Variants in SPTBN2 observed in about 807,000 individuals in gnomAD.
SPTBN2 encodes the protein spectrin beta chain, non-erythrocytic 2.
In SPTBN2, 107 loss-of-function variants were observed where a neutral mutation model predicts 284.2. The observed-to-expected ratio is 0.38, with a 90% CI of 0.32 to 0.44. The LOEUF (loss-of-function observed/expected upper bound fraction) is 0.44, where lower values mean the gene tolerates loss of function less well. SPTBN2 is among the 20% of genes least tolerant of loss of function. The pLI is 1.00. For synonymous variants in SPTBN2, 1,289 were observed against 1,354.8 expected (o/e 0.95, Z 1.07); for missense variants, 2,569 against 3,287.1 (o/e 0.78, Z 5.34).
At position 66,686,334 on chromosome 11, in the gene SPTBN2, G is replaced by A. The variant is rs201237063; in HGVS notation, c.6939+64C>T. On this transcript the variant is annotated intron_variant, in intron 37 of 37. Transcript: ENST00000533211. ...AAAAGAGGGAGGACAGGGAAAGAAG[G>A]GGAGTCTGCAGCTGGAAGCTTCTGG... 2,816 of 1,593,210 alleles carry A rather than the reference G, an allele frequency of 1.8e-3. 5 individuals are homozygous for A. Among genetic ancestry groups the A allele is most frequent in the Non-Finnish European group, 2.2e-3 (2,602 of 1,161,000 alleles).
Position 66,708,220 on chromosome 11 carries a change from T to C in SPTBN2, c.1271A>G (p.Glu424Gly). The C allele has an allele frequency of 3.1e-6, 5 of 1,611,580 alleles. No homozygotes were observed. Among genetic ancestry groups the C allele is most frequent in the Non-Finnish European group, 4.2e-6 (5 of 1,178,864 alleles). ...RTELIRQEKL[E>G]QLAARFDRKA... ...GCGGTCGAAGCGGGCGGCCAGCTGC[T>C]CCAGCTTCTCCTGGCGGATGAGCTC... The change falls in exon 12 of 38, where the codon GAG (glutamate) becomes GGG (glycine). Residue 424 changes from glutamate (E) to glycine (G), a missense_variant. Coordinates refer to ENST00000533211, the MANE Select transcript of SPTBN2 (RefSeq NM_006946.4). This position sits in a 1 kb window ranked among gnomAD's most constrained non-coding sequence, Gnocchi z 4.4.
chr11:66,716,299 C>G (rs1049487410), intron 3 of SPTBN2, among the ~76,000 whole-genome samples: 1 of 151,954 alleles, frequency 6.6e-6, no homozygotes, highest in Non-Finnish European at 1.5e-5. Context: ...CTGGCTAACA[C>G]GGTGAAACCC....
At chr11:66,704,282 A>G (rs906405074) in intron 15 of SPTBN2, among the ~76,000 whole-genome samples, 7 of 151,808 alleles carry the variant, frequency 4.6e-5, no homozygotes, top group African/African-American at 1.7e-4. Flanking sequence ...GCTTCCTTGT[A>G]TTTCTTAAAG....
chr11:66,717,202 G>A (rs543709180), intron 3 of SPTBN2, among the ~76,000 whole-genome samples: 5 of 152,300 alleles, frequency 3.3e-5, no homozygotes, highest in African/African-American at 1.2e-4. Context: ...GCCCACAGGG[G>A]AGGGGAGCTA....
At chr11:66,699,318 G>T in intron 18 of SPTBN2, 88 bp downstream of exon 18, 1 of 1,533,644 alleles carries the variant, frequency 6.5e-7, no homozygotes, top group Non-Finnish European at 8.9e-7. Flanking sequence ...CCATCTGTGG[G>T]TTTCCTGTGC....
intron 18 of SPTBN2, 48 bp downstream of exon 18, chr11:66,699,358 T>G (rs1306854251): frequency 1.9e-6 from 3 of 1,605,056 alleles, no homozygotes; most frequent in Non-Finnish European, 2.6e-6. Flanking sequence ...ACCCTGTTTC[T>G]CCGATTCCCC....
At chr11:66,719,154 G>A (rs1168371015) in intron 3 of SPTBN2, among the ~76,000 whole-genome samples, 2 of 152,234 alleles carry the variant, frequency 1.3e-5, no homozygotes, top group African/African-American at 4.8e-5. Flanking sequence ...ATCTGGAAAC[G>A]AGGAAATCCT....
At position 66,704,617 on chromosome 11, in the gene SPTBN2, G is replaced by C. The variant is rs762766118; in HGVS notation, c.2659C>G (p.Leu887Val). ...GCCTACCTCTGCTGCACGACCTCCAGGTCCTCCAGGCGTTCAGGCAGGGCC... is the reference window on the plus strand; with the variant it reads ...GCCTACCTCTGCTGCACGACCTCCACGTCCTCCAGGCGTTCAGGCAGGGCC... ...GLALPERLED[L>V]EVVQQRFETL... is the part of the protein sequence containing the mutation. Residue 887 changes from leucine (L) to valine (V), a missense_variant, in exon 15 of 38, where the codon CTG becomes GTG. Leu to Val is a conservative substitution (Grantham distance 32). Transcript: ENST00000533211. The C allele has an allele frequency of 6.2e-7, 1 of 1,605,172 alleles. No individual in the cohort carries two copies. The highest frequency in any genetic ancestry group is 8.5e-7 in the Non-Finnish European group (1 of 1,176,296).
At chr11:66,729,960 C>T (rs1942776185), upstream of SPTBN2, among the ~76,000 whole-genome samples, 1 of 152,038 alleles carries the variant, frequency 6.6e-6, no homozygotes, top group Admixed American at 6.5e-5. Context: ...TGCCACCATG[C>T]CCGACTAATT....
Position 66,693,477 on chromosome 11 carries a change from A to G in SPTBN2, c.4594-31T>C, listed in dbSNP as rs1383663942. ...CATGGCCACAGAAGAGAAAATGCTG[A>G]AAGTCCTGCCCCAGCCCCACGTGCT... On this transcript the variant is annotated intron_variant, in intron 23 of 37. Coordinates refer to ENST00000533211, the MANE Select transcript of SPTBN2 (RefSeq NM_006946.4). The surrounding 1 kb of genome is among the most constrained non-coding windows in gnomAD (Gnocchi z 5.7). 2 of 1,587,530 alleles carry G rather than the reference A, an allele frequency of 1.3e-6. No individual in the cohort carries two copies. Among genetic ancestry groups the G allele is most frequent in the Admixed American group, 1.7e-5 (1 of 58,078 alleles).
At chr11:66,727,779 G>A (rs1207308932) in intron 1 of SPTBN2, among the ~76,000 whole-genome samples, 1 of 151,568 alleles carries the variant, frequency 6.6e-6, no homozygotes, top group Non-Finnish European at 1.5e-5. Flanking sequence ...GGCAGAGGCG[G>A]CCGAGCGCGC....
At chr11:66,719,068 T>C (rs1023646088) in intron 3 of SPTBN2, among the ~76,000 whole-genome samples, 1 of 152,242 alleles carries the variant, frequency 6.6e-6, no homozygotes, top group African/African-American at 2.4e-5. Context: ...GGGCGACCCC[T>C]CTCTGGGTGA....
chr11:66,741,361 T>C (rs1942894577), intron 1 of SPTBN2, among the ~76,000 whole-genome samples: 1 of 152,196 alleles, frequency 6.6e-6, no homozygotes, highest in Non-Finnish European at 1.5e-5. Context: ...TCTGTTTACT[T>C]CCCCTTCTGC....
intron 1 of SPTBN2, among the ~76,000 whole-genome samples, chr11:66,722,570 T>C (rs1327017029): frequency 6.0e-5 from 5 of 83,144 alleles, no homozygotes; most frequent in South Asian, 6.0e-4. Flanking sequence ...AATGAGACTC[T>C]GTCTCAAAAA....
At chr11:66,688,879 G>A (rs1322639256) in intron 30 of SPTBN2, 30 bp from the exon 31 acceptor site, 4 of 1,608,496 alleles carry the variant, frequency 2.5e-6, no homozygotes, top group Middle Eastern at 1.6e-4. Flanking sequence ...CAGGAAGATG[G>A]TGGGTCAGAG....
chr11:66,728,362 GCGCGGGCGCGAGCGGCGGGACTGCGGCGC>G (rs1328596441), intron 1 of SPTBN2: 8 of 145,854 alleles, frequency 5.5e-5, no homozygotes, highest in Non-Finnish European at 9.1e-5. Flanking sequence ...TGGCGGCGGC[GCGCGGGCGCGAGCGGCGGGACTGCGGCGC>G]CGCGGAAGGA....
chr11:66,721,120 G>A lies in SPTBN2; in HGVS notation c.121C>T (p.Arg41Cys), dbSNP rs1942382097. ...TTAATGCGAGACCTCTCAAAGAGGC[G>A]GGCCGAGCTGCTGTCATTGTCCCAG... ...SDWDNDSSSA[R>C]LFERSRIKAL... Residue 41 changes from arginine (R) to cysteine (C), a missense_variant, in exon 3 of 38, where the codon CGC becomes TGC. By Grantham distance (180) the Arg-to-Cys change is radical. Transcript: ENST00000533211. 3.1e-6 allele frequency: 5 copies of A among 1,614,170 alleles called. No individual in the cohort carries two copies. The highest frequency in any genetic ancestry group is 1.1e-5 in the South Asian group (1 of 91,086).
rs759451802 is a variant in SPTBN2, at chr11:66,710,691, C to T, written c.964G>A (p.Glu322Lys). Residue 322 changes from glutamate to lysine, a missense_variant, in exon 10 of 38, where the codon GAG (glutamate) becomes AAG (lysine). Coordinates refer to ENST00000533211, the MANE Select transcript of SPTBN2 (RefSeq NM_006946.4). This position sits in a 1 kb window ranked among gnomAD's most constrained non-coding sequence, Gnocchi z 4.9. ...SLASELLQWI[E>K]QTIVTLNDRQ... ...TCATTGAGGGTCACGATCGTTTGCT[C>T]GATCCACTGCAGCAGCTCCGAGGCC... is the stretch of plus-strand genomic sequence containing the variant. 2.5e-5 allele frequency: 41 copies of T among 1,614,058 alleles called. No individual in the cohort carries two copies. The Admixed American group carries it at 3.0e-4, about 12-fold the overall frequency.
At chr11:66,720,550 C>T (rs534255261) in intron 3 of SPTBN2, among the ~76,000 whole-genome samples, 18 of 152,238 alleles carry the variant, frequency 1.2e-4, no homozygotes, top group Admixed American at 6.5e-4. Flanking sequence ...GGAGAATGGG[C>T]GGCTGCAGAA....
Sources: allele counts gnomAD v4.1 joint callset (sites outside exome capture counted in the v4.1 genomes callset), GRCh38; gene constraint gnomAD v4.1.1; non-coding constraint Gnocchi (gnomAD v3.1); transcripts MANE v1.5; gene names NCBI Gene and HGNC (gene_info 2026-07-23, HGNC 2026-07-21).